NFE2L3: variants seen among roughly 807,000 people sequenced by gnomAD.
The protein encoded by NFE2L3 is NFE2 like bZIP transcription factor 3.
Under a neutral mutation model 23.5 loss-of-function variants are expected in NFE2L3, and 18 were observed. The ratio of observed to expected loss-of-function variants is 0.77; its 90% CI spans 0.53 to 1.13. The LOEUF (loss-of-function observed/expected upper bound fraction) is 1.13. Ranked by LOEUF, NFE2L3 falls within the 50% of genes most tolerant of loss-of-function variation. The probability of loss-of-function intolerance (pLI) is 0.00; values close to 1 mark genes in which losing one functional copy is unlikely to be tolerated. For synonymous variants in NFE2L3, 424 were observed against 354.5 expected (o/e 1.20, Z -2.20); for missense variants, 1,152 against 877.2 (o/e 1.31, Z -3.96).
chr7:26,169,728 C>T (rs1244499444), intron 1 of NFE2L3, among the ~76,000 whole-genome samples: 2 of 152,228 alleles, frequency 1.3e-5, no homozygotes, highest in African/African-American at 4.8e-5. Flanking sequence ...TAAGAAGATA[C>T]TTATTCAATA....
In NFE2L3 at chr7:26,185,370, C is replaced by T. The variant is rs1562681147; in HGVS notation, c.1672C>T (p.Pro558Ser). Reference sequence around the variant, plus strand: ...TTCTGTAGATGAAATTGTCGGCATGCCTGTTGATTCTTTCAATAGCATGTT... The same window carrying T: ...TTCTGTAGATGAAATTGTCGGCATGTCTGTTGATTCTTTCAATAGCATGTT... ...PFSVDEIVGM[P>S]VDSFNSMLSR... The change falls in exon 4 of 4, where the codon CCT (proline) becomes TCT (serine). Residue 558 changes from proline (P) to serine (S), a missense_variant. By Grantham distance (74) the Pro-to-Ser change is moderately conservative (BLOSUM62 -1). Coordinates refer to ENST00000056233, the MANE Select transcript of NFE2L3 (RefSeq NM_004289.7). 1.2e-6 allele frequency: 2 copies of T among 1,614,092 alleles called. No homozygotes were observed. Among genetic ancestry groups the T allele is most frequent in the East Asian group, 2.2e-5 (1 of 44,886 alleles).
chr7:26,183,785 G>C lies in NFE2L3; in HGVS notation c.834+1G>C. On this transcript the variant is annotated splice_donor_variant, in intron 3 of 3. Transcript: ENST00000056233. LOFTEE classifies it high-confidence loss of function. ...ATCACAGCCTGAAAATTCACTGGAG[G>C]TAATTGGAACTTTGGCTTTTATCCT... 1.9e-6 allele frequency: 3 copies of C among 1,607,332 alleles called. No individual in the cohort carries two copies. Among genetic ancestry groups the C allele is most frequent in the Non-Finnish European group, 2.6e-6 (3 of 1,173,820 alleles).
At position 26,152,712 on chromosome 7, in the gene NFE2L3, G is replaced by A. The variant is rs892334755; in HGVS notation, c.214G>A (p.Gly72Ser). 6.1e-6 allele frequency: 9 copies of A among 1,476,718 alleles called. No individual in the cohort carries two copies. In the African/African-American group the frequency reaches 1.3e-4, roughly 22 times the overall value. The allele number at this position is 1,476,718 out of a possible 1,614,324, so 91.5% of individuals were successfully genotyped here. The change falls in exon 1 of 4, where the codon GGC becomes AGC. Residue 72 changes from glycine to serine, a missense_variant. Coordinates refer to ENST00000056233, the MANE Select transcript of NFE2L3 (RefSeq NM_004289.7). This position sits in a 1 kb window ranked among gnomAD's most constrained non-coding sequence, Gnocchi z 4.4. ...FSASGGWGRAGHLHPKGRELD... is the reference protein window; with the variant it reads ...FSASGGWGRASHLHPKGRELD... The stretch of plus-strand genomic sequence containing the variant: ...GGCCTCGGGAGGGTGGGGGCGCGCG[G>A]GCCACTTGCACCCCAAGGGCCGGGA...
intron 1 of NFE2L3, among the ~76,000 whole-genome samples, chr7:26,165,699 T>C (rs1186430529): frequency 6.6e-6 from 1 of 152,158 alleles, no homozygotes; most frequent in Non-Finnish European, 1.5e-5. Context: ...ATAGGAGTGG[T>C]GAGAGAGGGC....
chr7:26,176,926 G>A (rs1447673484), intron 1 of NFE2L3, among the ~76,000 whole-genome samples: 1 of 119,270 alleles, frequency 8.4e-6, no homozygotes. Context: ...CAGACGATGG[G>A]CGGCCAGGCA....
At chr7:26,163,918 G>A (rs745710161) in intron 1 of NFE2L3, among the ~76,000 whole-genome samples, 16 of 151,800 alleles carry the variant, frequency 1.1e-4, no homozygotes, top group Non-Finnish European at 2.2e-4. Flanking sequence ...GTGGTTTTCT[G>A]TTCTTGTGCT....
intron 2 of NFE2L3, among the ~76,000 whole-genome samples, chr7:26,182,148 CAGAACGTCA>C (rs1784526359): frequency 6.6e-6 from 1 of 151,862 alleles, no homozygotes; most frequent in Middle Eastern, 3.2e-3. Flanking sequence ...CAGATTGAAA[CAGAACGTCA>C]AGAACTAAGA....
At chr7:26,181,791 G>C (rs889092707) in intron 2 of NFE2L3, among the ~76,000 whole-genome samples, 3 of 152,018 alleles carry the variant, frequency 2.0e-5, no homozygotes, top group Admixed American at 2.0e-4. Flanking sequence ...AAAAGAAAAA[G>C]ATCTAGAAAA....
chr7:26,171,895 C>G (rs1784332710), intron 1 of NFE2L3, among the ~76,000 whole-genome samples: 1 of 152,162 alleles, frequency 6.6e-6, no homozygotes, highest in Non-Finnish European at 1.5e-5. Context: ...GGGGCAGGGT[C>G]TGATTGTATT....
At position 26,185,878 on chromosome 7, in the gene NFE2L3, AT is replaced by A; in HGVS notation, c.*96del. On this transcript the variant is annotated 3_prime_UTR_variant, in exon 4 of 4. Coordinates refer to ENST00000056233, the MANE Select transcript of NFE2L3 (RefSeq NM_004289.7). ...CCATTGAAACTGCTTCAAGAATTGT[AT>A]CTTTAAGTACTGCTACTTGAATAAC... The A allele has an allele frequency of 9.9e-7, 1 of 1,007,732 alleles. No individual in the cohort carries two copies. Among genetic ancestry groups the A allele is most frequent in the Admixed American group, 3.1e-5 (1 of 32,004 alleles). 62.4% of individuals were successfully genotyped at this position (1,007,732 alleles called of 1,614,324 possible). A position where few individuals can be genotyped will look rare whatever the true frequency, so the allele number is the denominator to read the frequency against.
At position 26,186,517 on chromosome 7, in the gene NFE2L3, C is replaced by T. The variant is rs55754901; in HGVS notation, c.*734C>T. Reference sequence around the variant, plus strand: ...AGAATACTATGTGATATAGAATGCACTGAAGACCTACGGTCACTGGTAGTT... The same window carrying T: ...AGAATACTATGTGATATAGAATGCATTGAAGACCTACGGTCACTGGTAGTT... On this transcript the variant is annotated 3_prime_UTR_variant, in exon 4 of 4. Coordinates refer to ENST00000056233, the MANE Select transcript of NFE2L3 (RefSeq NM_004289.7). 0.03 allele frequency: 4,588 copies of T among 152,276 alleles called. 79 individuals carry two copies. The highest frequency in any genetic ancestry group is 0.054 in the Middle Eastern group (16 of 294). 9.4% of individuals were successfully genotyped at this position (152,276 alleles called of 1,614,324 possible).
intron 2 of NFE2L3, among the ~76,000 whole-genome samples, chr7:26,179,776 G>A (rs2128099776): frequency 6.6e-6 from 1 of 152,280 alleles, no homozygotes; most frequent in East Asian, 1.9e-4. Flanking sequence ...TGTGTGGCCT[G>A]CCCTGCTGAT....
chr7:26,176,889 G>A (rs1228719382), intron 1 of NFE2L3, among the ~76,000 whole-genome samples: 18 of 124,238 alleles, frequency 1.4e-4, no homozygotes, highest in South Asian at 6.2e-4. Flanking sequence ...CAGACGGGGC[G>A]GCCGGGCAGA....
chr7:26,184,952 T>C lies in NFE2L3; in HGVS notation c.1254T>C (p.Asp418=). 6.2e-7 allele frequency: 1 copy of C among 1,613,952 alleles called. No homozygotes were observed. Among genetic ancestry groups the C allele is most frequent in the Non-Finnish European group, 8.5e-7 (1 of 1,179,854 alleles). Residue 418 remains aspartate (D), a synonymous_variant, in exon 4 of 4, where the codon GAT becomes GAC. Coordinates refer to ENST00000056233, the MANE Select transcript of NFE2L3 (RefSeq NM_004289.7). Reference sequence around the variant, plus strand: ...AGCTTTTTGATGAACCAGATTCTGATTCTGGCCTTTCTTTAGATTCAAGTC... The same window carrying C: ...AGCTTTTTGATGAACCAGATTCTGACTCTGGCCTTTCTTTAGATTCAAGTC... ...VSQLFDEPDS[D]SGLSLDSSHN...
chr7:26,162,638 C>G (rs1784190410), intron 1 of NFE2L3, among the ~76,000 whole-genome samples: 1 of 152,082 alleles, frequency 6.6e-6, no homozygotes, highest in Admixed American at 6.6e-5. Flanking sequence ...CTTCACCTAC[C>G]TAGTGGATAT....
chr7:26,166,267 G>T (rs1041132745), intron 1 of NFE2L3, among the ~76,000 whole-genome samples: 1 of 152,172 alleles, frequency 6.6e-6, no homozygotes, highest in Non-Finnish European at 1.5e-5. Context: ...GGGATGGAAG[G>T]AATTGCTGGA....
At chr7:26,179,186 C>T (rs1456773749) in intron 2 of NFE2L3, among the ~76,000 whole-genome samples, 3 of 152,046 alleles carry the variant, frequency 2.0e-5, no homozygotes, top group African/African-American at 7.2e-5. Context: ...TCTGGCCATC[C>T]CAGTGCAGCA....
chr7:26,160,622 C>T (rs10265688), intron 1 of NFE2L3, among the ~76,000 whole-genome samples: 1 of 152,224 alleles, frequency 6.6e-6, no homozygotes, highest in Non-Finnish European at 1.5e-5. Flanking sequence ...AGAATTTCTT[C>T]TTTATCAAGG....
chr7:26,179,995 C>T (rs6965743), intron 2 of NFE2L3, among the ~76,000 whole-genome samples: 1,903 of 152,226 alleles, frequency 0.013, 35 homozygotes, highest in African/African-American at 0.042. Flanking sequence ...AGGACTCTTC[C>T]CTGAATGTTC....
Sources: gnomAD v4.1 joint callset for allele counts (sites outside exome capture counted in the v4.1 genomes callset) on GRCh38, gnomAD v4.1.1 for gene constraint, Gnocchi (gnomAD v3.1) non-coding constraint, MANE v1.5 for transcripts, NCBI Gene and HGNC (gene_info 2026-07-23, HGNC 2026-07-21) for gene names.